Variants in SOX5 observed in about 807,000 individuals in gnomAD.
SOX5 encodes the protein transcription factor SOX-5.
SOX5 carries 9 observed loss-of-function variants against 92.0 expected under a neutral mutation model. The observed-to-expected ratio is 0.10, with a 90% CI of 0.06 to 0.17. SOX5 has a LOEUF of 0.17. SOX5 is among the 10% of genes least tolerant of loss of function. The pLI is 1.00. For synonymous variants in SOX5, 344 were observed against 336.3 expected (o/e 1.02, Z -0.25); for missense variants, 642 against 944.5 (o/e 0.68, Z 4.20).
chr12:23,792,394 G>A (rs1251647540), intron 3 of SOX5, among the ~76,000 whole-genome samples: 1 of 151,828 alleles, frequency 6.6e-6, no homozygotes, highest in Non-Finnish European at 1.5e-5. Flanking sequence ...GGAGACCGAG[G>A]TGGGTGGATC....
chr12:23,752,615 C>T lies in SOX5; in HGVS notation c.568+3023G>A, dbSNP rs966114216. On this transcript the variant is annotated intron_variant, in intron 4 of 14. Coordinates refer to ENST00000451604, the MANE Select transcript of SOX5 (RefSeq NM_006940.6). ...ATTGTGTGTGACTATTGGTTGCCAG[C>T]CGGAGTAAAGGCATTGTTTCTCCCT... 2.6e-5 allele frequency among the ~76,000 whole-genome samples: 4 copies of T among 151,818 alleles called. No individual in the cohort carries two copies. In the East Asian group the frequency reaches 7.8e-4, roughly 29 times the overall value.
At chr12:24,436,930 A>G (rs947293967) in intron 1 of SOX5, among the ~76,000 whole-genome samples, 3 of 152,222 alleles carry the variant, frequency 2.0e-5, no homozygotes, top group African/African-American at 7.2e-5. Context: ...GAGCAGTAAA[A>G]GTGAAACAAC....
At chr12:23,914,468 C>G (rs2097390269) in intron 1 of SOX5, among the ~76,000 whole-genome samples, 1 of 152,100 alleles carries the variant, frequency 6.6e-6, no homozygotes. Context: ...TGAGGTATAT[C>G]TAGAAGCAAG....
chr12:23,786,580 T>G lies in SOX5; in HGVS notation c.482-30856A>C, dbSNP rs141682333. Among the ~76,000 whole-genome samples, 130 of 146,052 alleles carry G rather than the reference T, an allele frequency of 8.9e-4. 12 individuals are homozygous for G. The highest frequency in any genetic ancestry group is 3.0e-3 in the African/African-American group (118 of 39,872). ...AAAGAAAAAAGAGACCTAGAAATCA[T>G]AGTGCTTTTGTAGGAGATCAGTGTT... On this transcript the variant is annotated intron_variant, in intron 3 of 14. Transcript: ENST00000451604.
chr12:23,716,922 C>T (rs1406539245), intron 6 of SOX5, among the ~76,000 whole-genome samples: 1 of 152,150 alleles, frequency 6.6e-6, no homozygotes, highest in East Asian at 1.9e-4. Flanking sequence ...TCTCAAGGTA[C>T]CCTTAAAGAT....
At chr12:23,586,643 CTT>C (rs112567903) in intron 9 of SOX5, among the ~76,000 whole-genome samples, 12 of 145,216 alleles carry the variant, frequency 8.3e-5, no homozygotes, top group South Asian at 2.1e-4. Flanking sequence ...CCTTAGACCA[CTT>C]TTTTTTTTTT....
At chr12:24,441,880 G>C (rs571572750) in intron 1 of SOX5, among the ~76,000 whole-genome samples, 12 of 152,140 alleles carry the variant, frequency 7.9e-5, no homozygotes, top group Non-Finnish European at 1.6e-4. Flanking sequence ...TAATAAAAAA[G>C]AAAATGGGCA....
Position 24,270,357 on chromosome 12 carries a change from C to T in SOX5, c.-77+6859G>A, listed in dbSNP as rs118023813. ...TACAAGTGTAAGCACCACGCCTGGCCTAATGTGGGGAACTCTTTATAAGAA... is the reference window on the plus strand; with the variant it reads ...TACAAGTGTAAGCACCACGCCTGGCTTAATGTGGGGAACTCTTTATAAGAA... On this transcript the variant is annotated intron_variant, in intron 3 of 4. Transcript: ENST00000446891. 1.7e-3 allele frequency among the ~76,000 whole-genome samples: 263 copies of T among 152,248 alleles called. 4 individuals are homozygous for T. The East Asian group carries it at 0.047, about 27-fold the overall frequency.
intron 4 of SOX5, among the ~76,000 whole-genome samples, chr12:24,041,997 G>T (rs1262427486): frequency 2.0e-5 from 3 of 151,986 alleles, no homozygotes; most frequent in Admixed American, 6.6e-5. Flanking sequence ...AATCATTAAG[G>T]TTGTTTGTTT....
At chr12:24,086,941 G>T (rs1029332700) in intron 4 of SOX5, among the ~76,000 whole-genome samples, 3 of 151,916 alleles carry the variant, frequency 2.0e-5, no homozygotes, top group African/African-American at 7.2e-5. Flanking sequence ...ACAATAGTTC[G>T]GAATGTACCA....
intron 1 of SOX5, among the ~76,000 whole-genome samples, chr12:23,944,836 C>T (rs894778065): frequency 6.6e-6 from 1 of 152,118 alleles, no homozygotes; most frequent in African/African-American, 2.4e-5. Context: ...ATCTTTTTAT[C>T]TTACTGCCAT....
chr12:23,820,148 T>C (rs570489022), intron 3 of SOX5, among the ~76,000 whole-genome samples: 3 of 152,252 alleles, frequency 2.0e-5, no homozygotes, highest in Non-Finnish European at 2.9e-5. Flanking sequence ...GGTATCTCAT[T>C]GTGGTTTTGA....
intron 1 of SOX5, among the ~76,000 whole-genome samples, chr12:23,897,974 G>A (rs1482696243): frequency 2.0e-5 from 3 of 152,132 alleles, no homozygotes. Flanking sequence ...AGCATGTGAG[G>A]AGCTGGAGTT....
At chr12:23,825,911 C>G (rs1349636533) in intron 3 of SOX5, among the ~76,000 whole-genome samples, 1 of 152,002 alleles carries the variant, frequency 6.6e-6, no homozygotes, top group Non-Finnish European at 1.5e-5. Flanking sequence ...TTTACTATTC[C>G]TTTTTACTTA....
chr12:24,537,853 T>C (rs1951774681), intron 1 of SOX5, among the ~76,000 whole-genome samples: 1 of 152,210 alleles, frequency 6.6e-6, no homozygotes, highest in Admixed American at 6.5e-5. Flanking sequence ...TTGCCATAGC[T>C]TCCTCTTTAA....
chr12:24,235,015 C>CA (rs1483106143), intron 3 of SOX5, among the ~76,000 whole-genome samples: 3 of 152,200 alleles, frequency 2.0e-5, no homozygotes, highest in Non-Finnish European at 4.4e-5. Context: ...CCCTGCACTA[C>CA]AATAAACTGG....
chr12:24,335,266 G>A (rs1951762364), intron 2 of SOX5, among the ~76,000 whole-genome samples: 1 of 79,640 alleles, frequency 1.3e-5, no homozygotes, highest in Non-Finnish European at 2.8e-5. Context: ...TTTCAGAGGG[G>A]CCCAAAAAAA....
chr12:24,498,835 T>C (rs1457851004), intron 1 of SOX5, among the ~76,000 whole-genome samples: 2 of 152,314 alleles, frequency 1.3e-5, no homozygotes, highest in African/African-American at 4.8e-5. Context: ...GGGTATCGCT[T>C]GATTACTACT....
At chr12:23,986,927 A>G (rs529769437) in intron 4 of SOX5, among the ~76,000 whole-genome samples, 1 of 152,302 alleles carries the variant, frequency 6.6e-6, no homozygotes, top group Non-Finnish European at 1.5e-5. Flanking sequence ...TTTTTGTGCT[A>G]AAGACTCATT....
Sources: gnomAD v4.1 joint callset for allele counts (sites outside exome capture counted in the v4.1 genomes callset) on GRCh38, gnomAD v4.1.1 for gene constraint, MANE v1.5 for transcripts, NCBI Gene and HGNC (gene_info 2026-07-23, HGNC 2026-07-21) for gene names.